Variants in DCLRE1B observed in about 807,000 individuals in gnomAD.
DCLRE1B encodes DNA cross-link repair 1B.
DCLRE1B carries 6 observed loss-of-function variants against 19.8 expected under a neutral mutation model. The observed-to-expected ratio is 0.30, with a 90% CI of 0.17 to 0.60. The LOEUF (loss-of-function observed/expected upper bound fraction) is 0.60, where lower values mean the gene tolerates loss of function less well. Among genes scored for constraint, DCLRE1B ranks in the 20% least tolerant of loss-of-function variants. The pLI, the probability that DCLRE1B is intolerant of heterozygous loss-of-function variation, is 0.87. For missense variants in DCLRE1B, 622 were observed against 654.2 expected (o/e 0.95, Z 0.54); for synonymous variants, 258 against 255.7 (o/e 1.01, Z -0.09).
chr1:113,909,611 T>G (rs1200597885), intron 3 of DCLRE1B, among the ~76,000 whole-genome samples: 1 of 152,348 alleles, frequency 6.6e-6, no homozygotes, highest in East Asian at 1.9e-4. Flanking sequence ...GCTTAGCTAC[T>G]TATAAAGACC....
At chr1:113,908,243 C>CT (rs1239326687) in intron 3 of DCLRE1B, 52 bp downstream of exon 3, 6 of 1,568,704 alleles carry the variant, frequency 3.8e-6, no homozygotes, top group African/African-American at 2.7e-5. Context: ...GAACTAGATT[C>CT]TTTAAGGATT....
intron 3 of DCLRE1B, 63 bp downstream of exon 3, chr1:113,908,254 C>A: frequency 6.4e-7 from 1 of 1,556,518 alleles, no homozygotes; most frequent in Non-Finnish European, 8.7e-7. Flanking sequence ...TTTAAGGATT[C>A]TCACATCTTT....
intron 3 of DCLRE1B, among the ~76,000 whole-genome samples, chr1:113,908,968 G>A (rs969365934): frequency 2.6e-5 from 4 of 152,168 alleles, no homozygotes; most frequent in Non-Finnish European, 5.9e-5. Context: ...AAGCCATTTT[G>A]GACTTGATCC....
Position 113,911,602 on chromosome 1 carries a change from TCTGGCTGTTAGAAAGGAGG to T in DCLRE1B, c.1013_1031del (p.Trp338Ter), listed in dbSNP as rs1317261235. On this transcript the variant is annotated frameshift_variant, in exon 4 of 4. Transcript: ENST00000650450. LOFTEE classifies it low-confidence loss of function (END_TRUNC). ...TCTTCCTCTAGAAAACCAAGCCTTC[TCTGGCTGTTAGAAAGGAGG>T]CTAAAGAGGCCGAGAACCCAAGGTG... 27 of 1,597,094 alleles carry T rather than the reference TCTGGCTGTTAGAAAGGAGG, an allele frequency of 1.7e-5. No individual in the cohort carries two copies. The highest frequency in any genetic ancestry group is 3.5e-5 in the Admixed American group (2 of 57,664).
intron 2 of DCLRE1B, 96 bp downstream of exon 2, chr1:113,907,257 A>C (rs1461842081): frequency 1.8e-6 from 2 of 1,092,466 alleles, no homozygotes; most frequent in African/African-American, 4.2e-5. Context: ...GGGGCCTCGC[A>C]GTGTTGCCGA....
intron 1 of DCLRE1B, among the ~76,000 whole-genome samples, chr1:113,906,647 C>T (rs1268685304): frequency 6.6e-6 from 1 of 151,582 alleles, no homozygotes; most frequent in Non-Finnish European, 1.5e-5. Flanking sequence ...CCCGCCACCA[C>T]GCCTGGCTAA....
chr1:113,911,889 G>A lies in DCLRE1B; in HGVS notation c.1297G>A (p.Val433Met). 1.2e-6 allele frequency: 2 copies of A among 1,614,206 alleles called. No homozygotes were observed. The highest frequency in any genetic ancestry group is 1.7e-6 in the Non-Finnish European group (2 of 1,180,034). The change falls in exon 4 of 4, where the codon GTG becomes ATG. Residue 433 changes from valine to methionine, a missense_variant. Transcript: ENST00000650450. ...GTTGACGGCCCCACTGGGATTTTCA[G>A]TGCACTTAAGGTCTACAGATGAGGA... The part of the protein sequence containing the change: ...TMLTAPLGFS[V>M]HLRSTDEEFI...
chr1:113,905,870 A>T (rs1668910042), intron 1 of DCLRE1B, 95 bp downstream of exon 1: 1 of 1,399,402 alleles, frequency 7.1e-7, no homozygotes, highest in Non-Finnish European at 9.5e-7. Flanking sequence ...GGGGCCACGA[A>T]AACTGATTTG....
At position 113,910,069 on chromosome 1, in the gene DCLRE1B, A is replaced by G. The variant is rs924444849; in HGVS notation, c.539-1062A>G. On this transcript the variant is annotated intron_variant, in intron 3 of 3. Transcript: ENST00000650450. ...AACCATTTCCCAAATTAATGTCTCCATTTCTTTCTCTGTAAGTACTATTTG... is the reference window on the plus strand; with the variant it reads ...AACCATTTCCCAAATTAATGTCTCCGTTTCTTTCTCTGTAAGTACTATTTG... Among the ~76,000 whole-genome samples the G allele has an allele frequency of 5.3e-5, 8 of 152,100 alleles. No homozygotes were observed. In the South Asian group the frequency reaches 1.2e-3, roughly 24 times the overall value.
chr1:113,907,221 T>A lies in DCLRE1B; in HGVS notation c.355+60T>A, dbSNP rs555741055. Reference sequence around the variant, plus strand: ...GACTAGATGTTTTTTTTTTTTTTTTTTTTTTTTTTTTTTAATGTATAGACT... The same window carrying A: ...GACTAGATGTTTTTTTTTTTTTTTTATTTTTTTTTTTTTAATGTATAGACT... On this transcript the variant is annotated intron_variant, in intron 2 of 3. Transcript: ENST00000650450. 8.3e-6 allele frequency: 11 copies of A among 1,323,020 alleles called. No individual in the cohort carries two copies. The East Asian group carries it at 1.0e-4, about 12-fold the overall frequency. The allele number at this position is 1,323,020 out of a possible 1,614,324, so 82.0% of individuals were successfully genotyped here.
Position 113,912,058 on chromosome 1 carries a change from G to A in DCLRE1B, c.1466G>A (p.Gly489Asp), listed in dbSNP as rs1258661311. The change falls in exon 4 of 4, where the codon GGC (glycine) becomes GAC (aspartate). Residue 489 changes from glycine (G) to aspartate (D), a missense_variant. Around this residue, in one of 3 missense-constraint regions of DCLRE1B, gnomAD observed 382 missense variants for 412.5 expected, o/e 0.93. Coordinates refer to ENST00000650450, the MANE Select transcript of DCLRE1B (RefSeq NM_022836.4). ...TCTCCCCTGTCCCACAGCAGCAAGG[G>A]CACCCCTCTTCTAGCTACTGAATTC... ...HGSPLSHSSK[G>D]TPLLATEFRG... is the part of the protein sequence containing the mutation. 1 of 1,614,196 alleles carries A rather than the reference G, an allele frequency of 6.2e-7. No homozygotes were observed. Among genetic ancestry groups the A allele is most frequent in the South Asian group, 1.1e-5 (1 of 91,088 alleles).
chr1:113,912,136 G>T lies in DCLRE1B; in HGVS notation c.1544G>T (p.Gly515Val), dbSNP rs937379728. The change falls in exon 4 of 4, where the codon GGG (glycine) becomes GTG (valine). Residue 515 changes from glycine to valine, a missense_variant. By Grantham distance (109) the Gly-to-Val change is moderately radical. Coordinates refer to ENST00000650450, the MANE Select transcript of DCLRE1B (RefSeq NM_022836.4). ...LLTPVNFFQA[G>V]YSSRRFDQQV... ...ACTCCAGTGAACTTTTTCCAGGCAG[G>T]GTATTCTTCCAGGAGATTTGACCAG... 14 of 1,613,942 alleles carry T rather than the reference G, an allele frequency of 8.7e-6. No individual in the cohort carries two copies. Among genetic ancestry groups the T allele is most frequent in the Non-Finnish European group, 1.2e-5 (14 of 1,180,012 alleles).
upstream of DCLRE1B, chr1:113,905,036 G>A (rs1668813579): frequency 9.7e-6 from 4 of 411,660 alleles, no homozygotes; most frequent in Admixed American, 1.4e-4. Context: ...ACTGACCGCA[G>A]ACCCCTCCCT....
In DCLRE1B at chr1:113,912,260, G is replaced by A; in HGVS notation, c.*69G>A. 1 of 1,463,668 alleles carries A rather than the reference G, an allele frequency of 6.8e-7. No homozygotes were observed. The highest frequency in any genetic ancestry group is 9.1e-7 in the Non-Finnish European group (1 of 1,095,036). The allele number at this position is 1,463,668 out of a possible 1,614,324, so 90.7% of individuals were successfully genotyped here. On this transcript the variant is annotated 3_prime_UTR_variant, in exon 4 of 4. Coordinates refer to ENST00000650450, the MANE Select transcript of DCLRE1B (RefSeq NM_022836.4). ...TTTTGAAGATAGTAACTGATGGCTG[G>A]TGGGAAAGAGTTTGTTTTTGGGGCC... is the stretch of plus-strand genomic sequence containing the variant.
upstream of DCLRE1B, chr1:113,905,025 G>A (rs913493320): frequency 3.6e-5 from 15 of 420,336 alleles, no homozygotes; most frequent in South Asian, 2.5e-4. Flanking sequence ...CGCCGCGTCC[G>A]ACTGACCGCA....
At chr1:113,905,147 C>T, upstream of DCLRE1B, 1 of 348,250 alleles carries the variant, frequency 2.9e-6, no homozygotes, top group Non-Finnish European at 5.5e-6. Flanking sequence ...AGAGACCAAA[C>T]AGAAGACCGC....
At chr1:113,908,301 A>G in intron 3 of DCLRE1B, 110 bp downstream of exon 3, 3 of 1,409,754 alleles carry the variant, frequency 2.1e-6, no homozygotes, top group Non-Finnish European at 2.9e-6. Flanking sequence ...TCCTACACTG[A>G]CCACCTTATT....
Position 113,907,234 on chromosome 1 carries a change from T to TTA in DCLRE1B, c.355+73_355+74insTA, listed in dbSNP as rs369506973. 0.016 allele frequency: 16,145 copies of TTA among 989,388 alleles called. 1,344 individuals are homozygous for TTA. Among genetic ancestry groups the TTA allele is most frequent in the Admixed American group, 0.027 (825 of 30,852 alleles). 61.3% of individuals were successfully genotyped at this position (989,388 alleles called of 1,614,324 possible). On this transcript the variant is annotated intron_variant, in intron 2 of 3. Transcript: ENST00000650450. ...TTTTTTTTTTTTTTTTTTTTTTTTT[T>TTA]AATGTATAGACTGGGGCCTCGCAGT...
At chr1:113,910,703 C>G (rs1669220783) in intron 3 of DCLRE1B, among the ~76,000 whole-genome samples, 1 of 152,072 alleles carries the variant, frequency 6.6e-6, no homozygotes, top group Non-Finnish European at 1.5e-5. Context: ...GCCAGGTTGC[C>G]CAGGTTGGTC....
Sources: gnomAD v4.1 joint callset for allele counts (sites outside exome capture counted in the v4.1 genomes callset) on GRCh38, gnomAD v4.1.1 for gene constraint, gnomAD v4.1.1 regional missense constraint, MANE v1.5 for transcripts, NCBI Gene and HGNC (gene_info 2026-07-23, HGNC 2026-07-21) for gene names.